Variants in CTBP2 observed in about 807,000 individuals in gnomAD.
CTBP2 encodes C-terminal binding protein 2.
CTBP2 carries 30 observed loss-of-function variants against 80.3 expected under a neutral mutation model. The ratio of observed to expected loss-of-function variants is 0.37; its 90% CI spans 0.28 to 0.51. CTBP2 has a LOEUF of 0.51. Among genes scored for constraint, CTBP2 ranks in the 20% least tolerant of loss-of-function variants. CTBP2 has a pLI of 0.93. For missense variants in CTBP2, 1,212 were observed against 1,375.3 expected (o/e 0.88, Z 1.88); for synonymous variants, 594 against 587.4 (o/e 1.01, Z -0.16).
At chr10:125,046,060 G>A (rs192052440) in intron 2 of CTBP2, among the ~76,000 whole-genome samples, 2 of 152,044 alleles carry the variant, frequency 1.3e-5, no homozygotes, top group African/African-American at 4.8e-5. Flanking sequence ...ATTCACAAGT[G>A]CTTGGGTTTA....
intron 1 of CTBP2, among the ~76,000 whole-genome samples, chr10:125,158,102 A>T (rs1301113599): frequency 1.3e-5 from 2 of 152,228 alleles, no homozygotes; most frequent in Non-Finnish European, 2.9e-5. Flanking sequence ...AAATCAAGTG[A>T]TTACAAAAAC....
chr10:125,159,530 T>A (rs1861577100), intron 1 of CTBP2, among the ~76,000 whole-genome samples: 1 of 148,622 alleles, frequency 6.7e-6, no homozygotes, highest in African/African-American at 2.4e-5. Flanking sequence ...GTGGCCCGGC[T>A]GCCCGGAGGA....
intron 1 of CTBP2, among the ~76,000 whole-genome samples, chr10:125,155,027 A>G (rs1860667167): frequency 6.6e-6 from 1 of 152,202 alleles, no homozygotes; most frequent in South Asian, 2.1e-4. Context: ...ATCATTTCCT[A>G]AAATCACATT....
intron 1 of CTBP2, among the ~76,000 whole-genome samples, chr10:125,147,934 C>T (rs187007585): frequency 1.1e-4 from 16 of 152,126 alleles, no homozygotes; most frequent in Middle Eastern, 3.2e-3. Flanking sequence ...ACATACGGTA[C>T]GTCAGGCCAG....
At chr10:125,025,165 A>G (rs894370545) in intron 1 of CTBP2, among the ~76,000 whole-genome samples, 1 of 152,200 alleles carries the variant, frequency 6.6e-6, no homozygotes, top group African/African-American at 2.4e-5. Flanking sequence ...AATCATTTGA[A>G]AAGGATTCTG....
chr10:125,154,253 C>T (rs1860523094), intron 1 of CTBP2, among the ~76,000 whole-genome samples: 1 of 152,126 alleles, frequency 6.6e-6, no homozygotes, highest in Non-Finnish European at 1.5e-5. Context: ...CCCTCCCTCT[C>T]CCCCCTCACC....
chr10:125,142,495 A>C (rs1429273897), intron 1 of CTBP2, among the ~76,000 whole-genome samples: 2 of 152,190 alleles, frequency 1.3e-5, no homozygotes, highest in African/African-American at 4.8e-5. Flanking sequence ...GGGAGGCAGG[A>C]ACTCCATAGG....
intron 1 of CTBP2, among the ~76,000 whole-genome samples, chr10:125,125,707 G>A (rs1217802241): frequency 1.3e-5 from 2 of 152,226 alleles, no homozygotes; most frequent in East Asian, 3.9e-4. Context: ...AGTGACCAGA[G>A]TGATGGGGAC....
intron 2 of CTBP2, among the ~76,000 whole-genome samples, chr10:125,094,167 G>A (rs1399918874): frequency 6.6e-6 from 1 of 152,214 alleles, no homozygotes; most frequent in Non-Finnish European, 1.5e-5. Context: ...AGTTACGCCT[G>A]GTGCTGATAA....
intron 2 of CTBP2, among the ~76,000 whole-genome samples, chr10:125,102,353 G>C (rs1850763067): frequency 6.6e-6 from 1 of 152,240 alleles, no homozygotes; most frequent in Admixed American, 6.5e-5. Context: ...AGAGCCGCTG[G>C]GGCTCCTGGA....
intron 1 of CTBP2, among the ~76,000 whole-genome samples, chr10:125,130,095 TGGA>T (rs913920486): frequency 9.3e-5 from 14 of 151,052 alleles, no homozygotes; most frequent in African/African-American, 3.2e-4. Context: ...TTGCCCAGGC[TGGA>T]GTGTAATAGC....
intron 1 of CTBP2, among the ~76,000 whole-genome samples, chr10:125,114,467 C>T (rs1028484351): frequency 3.9e-5 from 6 of 152,044 alleles, no homozygotes; most frequent in African/African-American, 1.2e-4. Context: ...CCTGCACCTT[C>T]CACATATAGG....
intron 2 of CTBP2, among the ~76,000 whole-genome samples, chr10:125,079,210 T>C (rs1846800711): frequency 6.6e-6 from 1 of 150,966 alleles, no homozygotes; most frequent in African/African-American, 2.4e-5. Flanking sequence ...ACCAGGAGCT[T>C]TCGGGAGCCT....
intron 1 of CTBP2, among the ~76,000 whole-genome samples, chr10:125,120,740 T>C (rs1353263109): frequency 6.6e-6 from 1 of 152,200 alleles, no homozygotes; most frequent in Non-Finnish European, 1.5e-5. Context: ...TGCAGTGGCA[T>C]GATCATAGTT....
At chr10:125,129,674 G>C (rs1437199459) in intron 1 of CTBP2, among the ~76,000 whole-genome samples, 1 of 152,156 alleles carries the variant, frequency 6.6e-6, no homozygotes, top group African/African-American at 2.4e-5. Context: ...CCTTCCAAAG[G>C]AGACTCCAAA....
intron 2 of CTBP2, among the ~76,000 whole-genome samples, chr10:125,051,194 T>A (rs1424034813): frequency 7.2e-5 from 11 of 152,126 alleles, no homozygotes; most frequent in Admixed American, 2.0e-4. Flanking sequence ...CAAGTTTATG[T>A]CCCCACCCCA....
At chr10:125,101,627 G>T (rs763964733) in intron 2 of CTBP2, among the ~76,000 whole-genome samples, 1 of 152,334 alleles carries the variant, frequency 6.6e-6, no homozygotes, top group South Asian at 2.1e-4. Flanking sequence ...CCAGGTGGAA[G>T]ACAGAACCTT....
chr10:124,999,374 G>A (rs889963823), intron 3 of CTBP2: 3 of 151,930 alleles, frequency 2.0e-5, no homozygotes, highest in Non-Finnish European at 4.4e-5. Context: ...CTGAAGATTG[G>A]GGTGGGGACA....
chr10:125,156,816 A>G (rs1860999518), intron 1 of CTBP2, among the ~76,000 whole-genome samples: 1 of 152,232 alleles, frequency 6.6e-6, no homozygotes, highest in Non-Finnish European at 1.5e-5. Context: ...AGACTTAAAA[A>G]GTAAAATTTC....
Sources: allele counts gnomAD v4.1 joint callset (sites outside exome capture counted in the v4.1 genomes callset), GRCh38; gene constraint gnomAD v4.1.1; transcripts MANE v1.5; gene names NCBI Gene and HGNC (gene_info 2026-07-23, HGNC 2026-07-21).